The following CHRDL1 variants were observed in gnomAD, a reference collection of about 807,000 sequenced individuals.
CHRDL1 encodes the protein chordin like 1, also known as chordin-like protein 1.
A neutral mutation model predicts 40.9 loss-of-function variants in CHRDL1; 19 were observed. That is an observed-to-expected ratio of 0.46 (90% CI 0.32 to 0.68). The LOEUF (loss-of-function observed/expected upper bound fraction) is 0.68. CHRDL1 is among the 30% of genes least tolerant of loss of function. The probability of loss-of-function intolerance (pLI) is 0.03; values close to 1 mark genes in which losing one functional copy is unlikely to be tolerated. For missense variants in CHRDL1, 329 were observed against 352.1 expected (o/e 0.93, Z 0.53); for synonymous variants, 136 against 123.4 (o/e 1.10, Z -0.68).
At chrX:110,759,804 T>C in intron 3 of CHRDL1, 50 bp from the exon 4 acceptor site, 2 of 936,652 alleles carry the variant, frequency 2.1e-6, no homozygotes, top group East Asian at 3.1e-5. Flanking sequence ...CAAAGGTCGC[T>C]GGGATCAAGC....
intron 4 of CHRDL1, among the ~76,000 whole-genome samples, chrX:110,729,504 A>C (rs968948240): frequency 3.6e-5 from 4 of 111,631 alleles, no homozygotes; most frequent in African/African-American, 1.3e-4. Flanking sequence ...GCAGGCCTTA[A>C]TACTAATCCC....
Position 110,675,885 on chromosome X carries a change from C to T in CHRDL1, c.*346G>A, listed in dbSNP as rs1436001890. The T allele has an allele frequency of 2.0e-5, 3 of 148,745 alleles. No individual in the cohort carries two copies. Among genetic ancestry groups the T allele is most frequent in the African/African-American group, 3.1e-5 (1 of 32,040 alleles). The allele number at this position is 148,745 out of a possible 1,213,427, so 12.3% of individuals were successfully genotyped here. ...AGAACTCCTACTAAGCAATTCCCTT[C>T]TCTTTCTTTCACTTGAATAACTTTC... On this transcript the variant is annotated 3_prime_UTR_variant, in exon 12 of 12. Coordinates refer to ENST00000372042, the MANE Select transcript of CHRDL1 (RefSeq NM_001143981.2).
intron 2 of CHRDL1, among the ~76,000 whole-genome samples, chrX:110,776,084 G>GT (rs1253732668): frequency 8.9e-6 from 1 of 111,968 alleles, no homozygotes; most frequent in Admixed American, 9.5e-5. Context: ...CTACAGACAT[G>GT]TAAGATATCA....
chrX:110,706,825 T>C (rs2070649263), intron 6 of CHRDL1, among the ~76,000 whole-genome samples: 1 of 112,618 alleles, frequency 8.9e-6, no homozygotes, highest in Non-Finnish European at 1.9e-5. Flanking sequence ...GCTTTCAAAA[T>C]GTGCCTCGGT....
At chrX:110,790,069 T>A (rs2090074326) in intron 2 of CHRDL1, among the ~76,000 whole-genome samples, 1 of 111,920 alleles carries the variant, frequency 8.9e-6, no homozygotes, top group African/African-American at 3.2e-5. Context: ...ATGCATATTG[T>A]GTGTGTTTGT....
chrX:110,679,621 C>G (rs933828634), intron 10 of CHRDL1, among the ~76,000 whole-genome samples, 196 bp from the exon 11 acceptor site: 6 of 112,148 alleles, frequency 5.4e-5, no homozygotes, highest in African/African-American at 1.9e-4. Context: ...CCTTGGCTTA[C>G]TGGCTTCCCC....
At chrX:110,719,432 A>G (rs932714882) in intron 6 of CHRDL1, among the ~76,000 whole-genome samples, 4 of 111,925 alleles carry the variant, frequency 3.6e-5, no homozygotes, top group African/African-American at 1.3e-4. Flanking sequence ...TGCCCTGCAC[A>G]GTCTTCAAAA....
intron 2 of CHRDL1, among the ~76,000 whole-genome samples, chrX:110,773,182 T>A (rs1455770639): frequency 8.9e-6 from 1 of 112,524 alleles, no homozygotes; most frequent in Non-Finnish European, 1.9e-5. Context: ...TTATTCAGTT[T>A]AAATCTTTCC....
chrX:110,676,390 G>A (rs779155818), intron 11 of CHRDL1, 29 bp from the exon 12 acceptor site: 132 of 1,202,279 alleles, frequency 1.1e-4, no homozygotes, highest in Non-Finnish European at 1.5e-4. Context: ...CAAAGTGGCC[G>A]GGAGTGTGTA....
chrX:110,785,343 C>A (rs189720252), intron 2 of CHRDL1, among the ~76,000 whole-genome samples: 12 of 111,700 alleles, frequency 1.1e-4, no homozygotes, highest in Admixed American at 2.9e-4. Flanking sequence ...CATGTTCTCA[C>A]TTACAAGTGG....
intron 6 of CHRDL1, among the ~76,000 whole-genome samples, chrX:110,714,313 T>C (rs967260918): frequency 2.7e-5 from 3 of 111,562 alleles, no homozygotes; most frequent in African/African-American, 9.8e-5. Flanking sequence ...TGCAGCAGTA[T>C]TCACAATTCT....
chrX:110,678,099 T>TA (rs2148405802), intron 11 of CHRDL1, among the ~76,000 whole-genome samples: 1 of 111,200 alleles, frequency 9.0e-6, no homozygotes, highest in East Asian at 2.8e-4. Flanking sequence ...TCTAAAAAAA[T>TA]AAAAAAATAA....
intron 6 of CHRDL1, among the ~76,000 whole-genome samples, chrX:110,702,270 C>G (rs2070529889): frequency 9.0e-6 from 1 of 111,570 alleles, no homozygotes; most frequent in African/African-American, 3.3e-5. Context: ...TATTCTTCTT[C>G]TGAAATTACC....
intron 4 of CHRDL1, among the ~76,000 whole-genome samples, chrX:110,722,288 C>T (rs769775199): frequency 1.3e-4 from 15 of 111,270 alleles, no homozygotes; most frequent in Non-Finnish European, 2.1e-4. Context: ...TGAGCCATGG[C>T]GCCCGGCCAC....
intron 1 of CHRDL1, among the ~76,000 whole-genome samples, chrX:110,794,372 T>C (rs1362629489): frequency 8.9e-6 from 1 of 111,930 alleles, no homozygotes; most frequent in Non-Finnish European, 1.9e-5. Context: ...GCACTGGCTC[T>C]TTTACAGGTT....
chrX:110,749,036 A>C (rs2089307242), intron 4 of CHRDL1, among the ~76,000 whole-genome samples: 1 of 111,578 alleles, frequency 9.0e-6, no homozygotes, highest in Admixed American at 9.6e-5. Flanking sequence ...AAAGGAAGGA[A>C]TGAGGGAAGG....
At chrX:110,758,887 C>A (rs1469117233) in intron 4 of CHRDL1, among the ~76,000 whole-genome samples, 2 of 112,051 alleles carry the variant, frequency 1.8e-5, no homozygotes, top group Non-Finnish European at 3.8e-5. Flanking sequence ...AATCAACTTA[C>A]AGGATGATAA....
At chrX:110,761,769 C>T (rs1312255713) in intron 3 of CHRDL1, among the ~76,000 whole-genome samples, 1 of 112,309 alleles carries the variant, frequency 8.9e-6, no homozygotes, top group African/African-American at 3.2e-5. Context: ...AAAGATGGAC[C>T]ACAGCTGTGC....
intron 4 of CHRDL1, among the ~76,000 whole-genome samples, chrX:110,740,221 G>A (rs1274129349): frequency 8.9e-6 from 1 of 112,680 alleles, no homozygotes; most frequent in African/African-American, 3.2e-5. Flanking sequence ...AGAAGAAACT[G>A]AAAAGGAGTT....
Sources: gnomAD v4.1 joint callset for allele counts (sites outside exome capture counted in the v4.1 genomes callset) on GRCh38, gnomAD v4.1.1 for gene constraint, MANE v1.5 for transcripts, NCBI Gene and HGNC (gene_info 2026-07-23, HGNC 2026-07-21) for gene names.